Variants in HDAC5 observed in about 807,000 individuals in gnomAD.
HDAC5 encodes antigen NY-CO-9.
A neutral mutation model predicts 133.3 loss-of-function variants in HDAC5; 25 were observed. The observed-to-expected ratio is 0.19, with a 90% CI of 0.14 to 0.26. HDAC5 has a LOEUF of 0.26. HDAC5 is among the 10% of genes least tolerant of loss of function. The pLI is 1.00. For missense variants in HDAC5, 1,041 were observed against 1,460.5 expected (o/e 0.71, Z 4.68); for synonymous variants, 589 against 610.8 (o/e 0.96, Z 0.53).
Position 44,088,427 on chromosome 17 carries a change from AACTGCTG to A in HDAC5, c.1552_1558del (p.Gln518SerfsTer37). The A allele has an allele frequency of 1.3e-6, 2 of 1,576,102 alleles. No homozygotes were observed. The highest frequency in any genetic ancestry group is 1.2e-5 in the South Asian group (1 of 86,810). ...CTGCTGCTGCTTCTGCTTCTCCAGG[AACTGCTG>A]GTGCTGTTGTTGCATGACCAGCTGC... On this transcript the variant is annotated frameshift_variant, in exon 12 of 27. Transcript: ENST00000682912. LOFTEE classifies it high-confidence loss of function.
At chr17:44,094,052 G>A (rs1296358114) in intron 3 of HDAC5, among the ~76,000 whole-genome samples, 1 of 152,234 alleles carries the variant, frequency 6.6e-6, no homozygotes, top group Non-Finnish European at 1.5e-5. Flanking sequence ...TGAGCACGGT[G>A]GCTCACACCT....
At chr17:44,079,004 C>T (rs888471329) in intron 24 of HDAC5, 125 bp from the exon 25 acceptor site, 53 of 1,501,950 alleles carry the variant, frequency 3.5e-5, no homozygotes, top group African/African-American at 1.9e-4. Context: ...TTTGGACAAA[C>T]GCATACTCAG....
intron 1 of HDAC5, among the ~76,000 whole-genome samples, chr17:44,122,113 A>G (rs2053044166): frequency 6.6e-6 from 1 of 152,126 alleles, no homozygotes; most frequent in African/African-American, 2.4e-5. Context: ...ATGAAGAAGC[A>G]GGCAGCCCCC....
chr17:44,095,393 G>A (rs2051203853), intron 3 of HDAC5, among the ~76,000 whole-genome samples: 1 of 152,196 alleles, frequency 6.6e-6, no homozygotes, highest in African/African-American at 2.4e-5. Flanking sequence ...TTCTAGGACT[G>A]ACAGTGCCCT....
At position 44,088,474 on chromosome 17, in the gene HDAC5, A is replaced by G. The variant is rs1047513163; in HGVS notation, c.1512T>C (p.Ser504=). 1.4e-5 allele frequency: 23 copies of G among 1,609,798 alleles called. No homozygotes were observed. Among genetic ancestry groups the G allele is most frequent in the Non-Finnish European group, 2.0e-5 (23 of 1,178,652 alleles). The change falls in exon 12 of 27, where the codon AGT becomes AGC. Residue 504 remains serine, a synonymous_variant. Coordinates refer to ENST00000682912, the MANE Select transcript of HDAC5 (RefSeq NM_005474.5). ...SRTQSSPLPQ[S]PQALQQLVMQ... is the part of the protein sequence containing the mutation. ...TGACCAGCTGCTGCAGGGCCTGGGG[A>G]CTCTGCGGCAGCGGTGAGGACTGAG...
chr17:44,084,664 A>G lies in HDAC5; in HGVS notation c.2196T>C (p.Gly732=). ...GLLSKCERIR[G]RKATLDEIQT... ...GGATCTCATCTAGCGTGGCTTTGCG[A>G]CCTCGGATCCGCTGCCAGGAGGATC... is the stretch of plus-strand genomic sequence containing the variant. Residue 732 remains glycine, a synonymous_variant, in exon 16 of 27, where the codon GGT becomes GGC. Transcript: ENST00000682912. The G allele has an allele frequency of 6.2e-7, 1 of 1,613,808 alleles. No homozygotes were observed. Among genetic ancestry groups the G allele is most frequent in the Non-Finnish European group, 8.5e-7 (1 of 1,179,846 alleles).
At position 44,077,804 on chromosome 17, in the gene HDAC5, C is replaced by G. The variant is rs2050184818; in HGVS notation, c.*572G>C. On this transcript the variant is annotated 3_prime_UTR_variant, in exon 27 of 27. Transcript: ENST00000682912. The stretch of plus-strand genomic sequence containing the variant: ...CACCAGCCTCCCATCAGTGCTGAGA[C>G]CAAGAGGAAGGAGGAGGAGAGGGGT... The G allele has an allele frequency of 6.6e-6, 1 of 152,632 alleles. No homozygotes were observed. The highest frequency in any genetic ancestry group is 2.1e-4 in the South Asian group (1 of 4,834). The allele number at this position is 152,632 out of a possible 1,614,324, so 9.5% of individuals were successfully genotyped here.
At chr17:44,079,639 C>CAAAAAAA (rs773678478) in intron 23 of HDAC5, among the ~76,000 whole-genome samples, 4 of 65,994 alleles carry the variant, frequency 6.1e-5, no homozygotes, top group African/African-American at 7.9e-5. Context: ...GACTCCACCT[C>CAAAAAAA]AAAAAAAAAA....
chr17:44,117,580 G>A lies in HDAC5; in HGVS notation c.-65C>T. ...GGACGGGAGGGGGTGGAGCTGCGGTGATGTCAAGAGAGACAGACGATAACA... is the reference window on the plus strand; with the variant it reads ...GGACGGGAGGGGGTGGAGCTGCGGTAATGTCAAGAGAGACAGACGATAACA... On this transcript the variant is annotated 5_prime_UTR_variant, in exon 2 of 27. Transcript: ENST00000682912. The surrounding 1 kb of genome is among the most constrained non-coding windows in gnomAD (Gnocchi z 4.2). 1 of 1,566,650 alleles carries A rather than the reference G, an allele frequency of 6.4e-7. No homozygotes were observed. Among genetic ancestry groups the A allele is most frequent in the Non-Finnish European group, 8.8e-7 (1 of 1,142,258 alleles).
At chr17:44,110,007 G>A (rs1259903584) in intron 3 of HDAC5, among the ~76,000 whole-genome samples, 1 of 152,242 alleles carries the variant, frequency 6.6e-6, no homozygotes, top group African/African-American at 2.4e-5. Flanking sequence ...AGCCAAAAAA[G>A]TTCCTGCTGA....
At chr17:44,095,048 G>A (rs2051182152) in intron 3 of HDAC5, among the ~76,000 whole-genome samples, 1 of 152,114 alleles carries the variant, frequency 6.6e-6, no homozygotes, top group Non-Finnish European at 1.5e-5. Context: ...TCCCACCTCA[G>A]CCTCCCAAAG....
intron 3 of HDAC5, among the ~76,000 whole-genome samples, chr17:44,095,278 G>A (rs1399489207): frequency 6.6e-6 from 1 of 152,146 alleles, no homozygotes; most frequent in African/African-American, 2.4e-5. Context: ...ACTAGAATAT[G>A]AGTCCAAATC....
Position 44,092,065 on chromosome 17 carries a change from G to A in HDAC5, c.1032+107C>T, listed in dbSNP as rs763798916. 13 of 1,029,770 alleles carry A rather than the reference G, an allele frequency of 1.3e-5. No homozygotes were observed. The African/African-American group carries it at 1.8e-4, about 14-fold the overall frequency. The allele number at this position is 1,029,770 out of a possible 1,614,324, so 63.8% of individuals were successfully genotyped here. A position where few individuals can be genotyped will look rare whatever the true frequency, so the allele number is the denominator to read the frequency against. ...CCAGCCTATTCATGTGGGCAGAGAG[G>A]TCTCTGCTGGGCACTCAGGCAGACA... On this transcript the variant is annotated intron_variant, in intron 9 of 26. Transcript: ENST00000682912.
At chr17:44,108,436 C>A (rs8070031) in intron 3 of HDAC5, among the ~76,000 whole-genome samples, 3,467 of 152,216 alleles carry the variant, frequency 0.023, 118 homozygotes, top group African/African-American at 0.078. Context: ...CAAAGGCTAT[C>A]CCTAAAATAG....
chr17:44,118,640 C>A (rs2052797101), intron 1 of HDAC5, among the ~76,000 whole-genome samples: 1 of 152,184 alleles, frequency 6.6e-6, no homozygotes, highest in South Asian at 2.1e-4. Flanking sequence ...AGACACTATG[C>A]ATACAGACAC....
At chr17:44,104,125 A>G (rs1463686418) in intron 3 of HDAC5, among the ~76,000 whole-genome samples, 1 of 147,510 alleles carries the variant, frequency 6.8e-6, no homozygotes, top group African/African-American at 2.5e-5. Flanking sequence ...TTTCAAGACC[A>G]GCCTGGCCAA....
At chr17:44,112,689 C>T (rs1804685755) in intron 2 of HDAC5, among the ~76,000 whole-genome samples, 1 of 152,190 alleles carries the variant, frequency 6.6e-6, no homozygotes, top group Non-Finnish European at 1.5e-5. Context: ...GCAAAGGGGT[C>T]TCCTGCCCTC....
chr17:44,095,186 A>T (rs2051191085), intron 3 of HDAC5, among the ~76,000 whole-genome samples: 1 of 152,182 alleles, frequency 6.6e-6, no homozygotes, highest in Admixed American at 6.5e-5. Context: ...CTTAGATGCT[A>T]TTATTACCCC....
chr17:44,078,727 A>G (rs1015125604), intron 25 of HDAC5, 62 bp from the exon 26 acceptor site: 10 of 1,610,244 alleles, frequency 6.2e-6, no homozygotes, highest in Non-Finnish European at 8.5e-6. Context: ...GAACAGTCCC[A>G]GTCCTGGTGC....
Sources: gnomAD v4.1 joint callset for allele counts (sites outside exome capture counted in the v4.1 genomes callset) on GRCh38, gnomAD v4.1.1 for gene constraint, Gnocchi (gnomAD v3.1) non-coding constraint, MANE v1.5 for transcripts, NCBI Gene and HGNC (gene_info 2026-07-23, HGNC 2026-07-21) for gene names.